Variants in L3MBTL3 observed in about 807,000 individuals in gnomAD.
The protein encoded by L3MBTL3 is lethal(3)malignant brain tumor-like protein 3.
Under a neutral mutation model 102.3 loss-of-function variants are expected in L3MBTL3, and 27 were observed. That is an observed-to-expected ratio of 0.26 (90% confidence interval 0.19 to 0.36). L3MBTL3 has a LOEUF of 0.36. Ranked by LOEUF, L3MBTL3 falls within the 10% of genes least tolerant of loss-of-function variation. L3MBTL3 has a pLI of 1.00. For missense variants in L3MBTL3, 798 were observed against 955.3 expected, an observed-to-expected ratio of 0.84 and a Z score of 2.17; for synonymous variants, 340 against 320.9, an observed-to-expected ratio of 1.06 and a Z score of -0.64.
Position 130,049,797 on chromosome 6 carries a change from GCCTACTGGACATCT to G in L3MBTL3, c.259_272del (p.Tyr87ThrfsTer30). 6.2e-7 allele frequency: 1 copy of G among 1,613,646 alleles called. No individual in the cohort carries two copies. The highest frequency in any genetic ancestry group is 8.5e-7 in the Non-Finnish European group (1 of 1,179,828). The stretch of plus-strand genomic sequence containing the variant: ...GAGCTCCAGGCCCGTATTTCCACCT[GCCTACTGGACATCT>G]CCACCTGGATGTCCCACAGGTACCT... On this transcript the variant is annotated frameshift_variant, in exon 5 of 23. Coordinates refer to ENST00000361794, the MANE Select transcript of L3MBTL3 (RefSeq NM_032438.4). LOFTEE classifies it high-confidence loss of function.
intron 13 of L3MBTL3, among the ~76,000 whole-genome samples, chr6:130,072,734 T>C (rs1044370399): frequency 6.6e-6 from 1 of 152,172 alleles, no homozygotes; most frequent in African/African-American, 2.4e-5. Flanking sequence ...CATTTCAGTA[T>C]ATATCTTCTA....
chr6:130,086,058 T>TTGC, intron 15 of L3MBTL3, 82 bp from the exon 16 acceptor site: 1 of 991,992 alleles, frequency 1.0e-6, no homozygotes, highest in Non-Finnish European at 1.6e-6. Flanking sequence ...TGGCCAGCTT[T>TTGC]TTCTTCTTCT....
chr6:130,081,584 A>AT (rs11409755), intron 14 of L3MBTL3, among the ~76,000 whole-genome samples: 41,726 of 145,076 alleles, frequency 0.29, 6,368 homozygotes, highest in African/African-American at 0.37. Flanking sequence ...ACACCTGGCT[A>AT]TTTTTTTTTT....
chr6:130,088,540 G>A (rs934875771), intron 16 of L3MBTL3, among the ~76,000 whole-genome samples: 1 of 152,136 alleles, frequency 6.6e-6, no homozygotes. Flanking sequence ...CACACCTTGA[G>A]CTATTATAGT....
intron 19 of L3MBTL3, among the ~76,000 whole-genome samples, chr6:130,106,220 T>A (rs752100681): frequency 5.3e-5 from 8 of 152,200 alleles, no homozygotes; most frequent in Non-Finnish European, 1.2e-4. Context: ...CTATTAATAA[T>A]TAAATGAAAT....
At chr6:130,020,987 T>TG (rs1163704551) in intron 1 of L3MBTL3, among the ~76,000 whole-genome samples, 8 of 150,900 alleles carry the variant, frequency 5.3e-5, no homozygotes, top group South Asian at 4.2e-4. Flanking sequence ...GAATTTGGGG[T>TG]GGGGGGGCGC....
At chr6:130,058,593 A>G (rs74330597) in intron 9 of L3MBTL3, among the ~76,000 whole-genome samples, 2,839 of 152,322 alleles carry the variant, frequency 0.019, 90 homozygotes, top group East Asian at 0.094. Context: ...TAAACAGACA[A>G]ACAAAACACA....
chr6:130,101,024 G>A (rs749685052), intron 18 of L3MBTL3, among the ~76,000 whole-genome samples: 1 of 152,136 alleles, frequency 6.6e-6, no homozygotes, highest in Admixed American at 6.5e-5. Context: ...CATGATATTC[G>A]AGGAATAGCT....
intron 20 of L3MBTL3, among the ~76,000 whole-genome samples, chr6:130,122,929 TTATTAA>T (rs1419354548): frequency 5.3e-5 from 8 of 151,746 alleles, no homozygotes; most frequent in Non-Finnish European, 8.8e-5. Flanking sequence ...GTATTCACTC[TTATTAA>T]TAGTAGTAGT....
At chr6:130,093,165 A>G (rs1784162937) in intron 17 of L3MBTL3, among the ~76,000 whole-genome samples, 2 of 152,184 alleles carry the variant, frequency 1.3e-5, no homozygotes, top group South Asian at 2.1e-4. Context: ...TATTGTTTCA[A>G]TATTAGTATT....
intron 9 of L3MBTL3, among the ~76,000 whole-genome samples, chr6:130,057,991 A>C (rs902683159): frequency 3.3e-5 from 5 of 149,834 alleles, no homozygotes; most frequent in African/African-American, 1.2e-4. Flanking sequence ...AAAATACAAA[A>C]AATTAGCCGG....
chr6:130,077,199 T>C (rs1783007847), intron 13 of L3MBTL3, among the ~76,000 whole-genome samples: 1 of 152,106 alleles, frequency 6.6e-6, no homozygotes, highest in African/African-American at 2.4e-5. Context: ...AGTAAGACAT[T>C]AGTAATCCAT....
chr6:130,129,959 G>T (rs1318061749), intron 20 of L3MBTL3, among the ~76,000 whole-genome samples: 10 of 152,182 alleles, frequency 6.6e-5, no homozygotes, highest in Non-Finnish European at 1.5e-5. Context: ...AAATGAAGCT[G>T]CTTTCTTTAT....
At chr6:130,136,402 C>T (rs1032253984) in intron 22 of L3MBTL3, among the ~76,000 whole-genome samples, 1 of 152,126 alleles carries the variant, frequency 6.6e-6, no homozygotes, top group Non-Finnish European at 1.5e-5. Flanking sequence ...CCTCCTTGCT[C>T]TTCCTCTGAT....
intron 2 of L3MBTL3, among the ~76,000 whole-genome samples, chr6:130,028,071 AC>A (rs1779467781): frequency 7.0e-6 from 1 of 143,728 alleles, no homozygotes; most frequent in African/African-American, 2.5e-5. Context: ...CTTTCTGTGT[AC>A]CTTTTTTTTT....
intron 19 of L3MBTL3, among the ~76,000 whole-genome samples, chr6:130,118,359 C>A (rs1785877388): frequency 6.6e-6 from 1 of 152,294 alleles, no homozygotes; most frequent in Admixed American, 6.5e-5. Context: ...TTGGCTCATA[C>A]TGTGTTCTTA....
In L3MBTL3 at chr6:130,078,653, T is replaced by TATTTTTAATA; in HGVS notation, c.1321+19_1321+20insATTTTTAATA. Reference sequence around the variant, plus strand: ...CCACCAGGTGTGTGTTTTTTTAATGTGGCTAATACTATTCGTAGACTTCAA... The same window carrying TATTTTTAATA: ...CCACCAGGTGTGTGTTTTTTTAATGTATTTTTAATAGGCTAATACTATTCGTAGACTTCAA... On this transcript the variant is annotated intron_variant, in intron 14 of 22. Coordinates refer to ENST00000361794, the MANE Select transcript of L3MBTL3 (RefSeq NM_032438.4). 1 of 1,478,094 alleles carries TATTTTTAATA rather than the reference T, an allele frequency of 6.8e-7. No individual in the cohort carries two copies. The highest frequency in any genetic ancestry group is 9.4e-7 in the Non-Finnish European group (1 of 1,059,970). 91.6% of individuals were successfully genotyped at this position (1,478,094 alleles called of 1,614,324 possible).
chr6:130,020,016 G>A (rs1201323382), intron 1 of L3MBTL3, among the ~76,000 whole-genome samples: 2 of 142,058 alleles, frequency 1.4e-5, no homozygotes, highest in Non-Finnish European at 3.1e-5. Flanking sequence ...CCGCGCCGGG[G>A]CGGCGGGCTT....
chr6:130,029,659 G>T lies in L3MBTL3; in HGVS notation c.-16+7354G>T, dbSNP rs556640575. Among the ~76,000 whole-genome samples, 9 of 152,142 alleles carry T rather than the reference G, an allele frequency of 5.9e-5. No individual in the cohort carries two copies. The South Asian group carries it at 1.9e-3, about 32-fold the overall frequency. On this transcript the variant is annotated intron_variant, in intron 2 of 22. Transcript: ENST00000361794. ...GACTGCCCTGCTGCCCACCTTTCCT[G>T]TCCTCATCTCTGGACTCCTGAGAAA...
Sources: allele counts gnomAD v4.1 joint callset (sites outside exome capture counted in the v4.1 genomes callset), GRCh38; gene constraint gnomAD v4.1.1; transcripts MANE v1.5; gene names NCBI Gene and HGNC (gene_info 2026-07-23, HGNC 2026-07-21).